NCAPH: variants seen among roughly 807,000 people sequenced by gnomAD.
NCAPH encodes non-SMC condensin I complex subunit H.
In NCAPH, 38 loss-of-function variants were observed where a neutral mutation model predicts 85.5. The observed-to-expected ratio is 0.44, with a 90% CI of 0.34 to 0.58. The LOEUF is 0.58. Among genes scored for constraint, NCAPH ranks in the 20% least tolerant of loss-of-function variants. NCAPH has a pLI of 0.01. For synonymous variants in NCAPH, 301 were observed against 335.1 expected, an observed-to-expected ratio of 0.90 and a Z score of 1.11; for missense variants, 789 against 916.6, an observed-to-expected ratio of 0.86 and a Z score of 1.80.
chr2:96,358,190 C>T (rs1485556877), intron 9 of NCAPH, among the ~76,000 whole-genome samples: 6 of 152,164 alleles, frequency 3.9e-5, no homozygotes, highest in South Asian at 2.1e-4. Context: ...ACTTTACACA[C>T]GGCAAAGAAT....
At chr2:96,370,587 C>G (rs1273888984) in intron 17 of NCAPH, among the ~76,000 whole-genome samples, 1 of 152,204 alleles carries the variant, frequency 6.6e-6, no homozygotes, top group Admixed American at 6.5e-5. Context: ...AGTGACCTAC[C>G]ACTGGAAGTC....
chr2:96,358,336 G>A (rs2064551466), intron 9 of NCAPH, among the ~76,000 whole-genome samples: 1 of 152,198 alleles, frequency 6.6e-6, no homozygotes, highest in African/African-American at 2.4e-5. Context: ...ACAGAAGGAT[G>A]GTGACGAATG....
chr2:96,353,496 A>C, intron 8 of NCAPH, 99 bp downstream of exon 8: 1 of 1,052,322 alleles, frequency 9.5e-7, no homozygotes, highest in East Asian at 2.5e-5. Context: ...TTATTTAGCC[A>C]GGAGTACAGA....
At chr2:96,352,865 G>A (rs1159120112) in intron 7 of NCAPH, among the ~76,000 whole-genome samples, 1 of 152,010 alleles carries the variant, frequency 6.6e-6, no homozygotes, top group African/African-American at 2.4e-5. Context: ...CTCTCATTTG[G>A]GGCTCTAATC....
chr2:96,350,963 T>C (rs2064433043), intron 6 of NCAPH, among the ~76,000 whole-genome samples: 1 of 152,208 alleles, frequency 6.6e-6, no homozygotes, highest in Admixed American at 6.5e-5. Flanking sequence ...CCAGTGCCTG[T>C]TTTTGCCTTT....
chr2:96,371,044 T>C (rs1008252527), intron 17 of NCAPH, among the ~76,000 whole-genome samples: 2 of 152,136 alleles, frequency 1.3e-5, no homozygotes, highest in South Asian at 4.1e-4. Context: ...GCATCTGATA[T>C]CACATGCAAA....
intron 10 of NCAPH, chr2:96,359,455 G>A (rs549118602): frequency 5.4e-5 from 25 of 462,930 alleles, no homozygotes; most frequent in Middle Eastern, 5.9e-4. Flanking sequence ...CTGCTCCCTA[G>A]TATCCACATG....
chr2:96,351,724 C>A, intron 6 of NCAPH, 107 bp from the exon 7 acceptor site: 10 of 732,546 alleles, frequency 1.4e-5, no homozygotes, highest in Non-Finnish European at 1.6e-5. Flanking sequence ...GGAGATATTT[C>A]AGTCCAGTGT....
At chr2:96,350,294 T>C (rs1485163086) in intron 6 of NCAPH, among the ~76,000 whole-genome samples, 1 of 152,170 alleles carries the variant, frequency 6.6e-6, no homozygotes, top group Non-Finnish European at 1.5e-5. Context: ...TAGACACAAG[T>C]GAGGAACATT....
At chr2:96,353,266 C>T (rs2064471375) in intron 7 of NCAPH, 40 bp from the exon 8 acceptor site, 10 of 1,550,626 alleles carry the variant, frequency 6.4e-6, no homozygotes, top group Non-Finnish European at 8.9e-6. Context: ...GCACTTGACC[C>T]CCTTCTAATC....
At chr2:96,362,499 G>A (rs980360062) in intron 12 of NCAPH, among the ~76,000 whole-genome samples, 2 of 152,174 alleles carry the variant, frequency 1.3e-5, no homozygotes, top group African/African-American at 2.4e-5. Context: ...ACATGGTAGT[G>A]CAGGCCTATA....
intron 6 of NCAPH, among the ~76,000 whole-genome samples, chr2:96,349,252 C>T (rs1158194060): frequency 6.6e-6 from 1 of 152,124 alleles, no homozygotes; most frequent in Non-Finnish European, 1.5e-5. Context: ...ATACTCCAAT[C>T]CTGGAAAGCT....
At position 96,341,765 on chromosome 2, in the gene NCAPH, G is replaced by C. The variant is rs761501867; in HGVS notation, c.143G>C (p.Gly48Ala). The C allele has an allele frequency of 1.9e-6, 3 of 1,614,140 alleles. No individual in the cohort carries two copies. Among genetic ancestry groups the C allele is most frequent in the Admixed American group, 3.3e-5 (2 of 60,018 alleles). Residue 48 changes from glycine (G) to alanine (A), a missense_variant, in exon 2 of 18, where the codon GGC becomes GCC. Transcript: ENST00000240423. ...LPRKAPLNIP[G>A]TPVLEDFPQN... ...AGGAAGGCGCCTCTCAATATTCCTG[G>C]CACCCCAGTCCTCGAAGACTTTCCT...
intron 17 of NCAPH, among the ~76,000 whole-genome samples, chr2:96,370,998 G>A (rs888341887): frequency 6.6e-6 from 1 of 152,198 alleles, no homozygotes; most frequent in Non-Finnish European, 1.5e-5. Flanking sequence ...CCGTGGTTAT[G>A]GGAGGTGGTA....
At chr2:96,357,864 G>T (rs2064545111) in intron 9 of NCAPH, among the ~76,000 whole-genome samples, 1 of 152,030 alleles carries the variant, frequency 6.6e-6, no homozygotes, top group South Asian at 2.1e-4. Context: ...ACAAATACAA[G>T]GCCACTCTTC....
chr2:96,347,360 A>G (rs1050952931), intron 6 of NCAPH, among the ~76,000 whole-genome samples: 6 of 151,700 alleles, frequency 4.0e-5, no homozygotes, highest in African/African-American at 1.2e-4. Context: ...AAAATGAAAT[A>G]CTAAGGAATA....
At chr2:96,351,761 A>G in intron 6 of NCAPH, 70 bp from the exon 7 acceptor site, 1 of 1,375,880 alleles carries the variant, frequency 7.3e-7, no homozygotes, top group Non-Finnish European at 9.9e-7. Context: ...GTGGGGCCAA[A>G]TGCATGAGAA....
Position 96,335,781 on chromosome 2 carries a change from C to G in NCAPH, c.-49C>G. 6.8e-7 allele frequency: 1 copy of G among 1,465,206 alleles called. No homozygotes were observed. The highest frequency in any genetic ancestry group is 9.0e-7 in the Non-Finnish European group (1 of 1,108,166). The allele number at this position is 1,465,206 out of a possible 1,614,324, so 90.8% of individuals were successfully genotyped here. ...TCACGCGGCCGTTACGGCGCTCAGG[C>G]GTCTCGACGCGCGCGATTTAAAACC... On this transcript the variant is annotated 5_prime_UTR_variant, in exon 1 of 18. Coordinates refer to ENST00000240423, the MANE Select transcript of NCAPH (RefSeq NM_015341.5).
In NCAPH at chr2:96,377,021, A is replaced by G. The variant is rs1173872066; in HGVS notation, c.*3670A>G. ...ATGCCTGTATCAAAATATCTCATGT[A>G]CCCCATAAATATATGCACCTACTAT... On this transcript the variant is annotated 3_prime_UTR_variant, in exon 18 of 18. Transcript: ENST00000240423. Among the ~76,000 whole-genome samples, 1 of 151,904 alleles carries G rather than the reference A, an allele frequency of 6.6e-6. No individual in the cohort carries two copies. Among genetic ancestry groups the G allele is most frequent in the Non-Finnish European group, 1.5e-5 (1 of 68,014 alleles).
Sources: allele counts gnomAD v4.1 joint callset (sites outside exome capture counted in the v4.1 genomes callset), GRCh38; gene constraint gnomAD v4.1.1; transcripts MANE v1.5; gene names NCBI Gene and HGNC (gene_info 2026-07-23, HGNC 2026-07-21).